The following SH3GL2 variants were observed in gnomAD, a reference collection of about 807,000 sequenced individuals.
SH3GL2 encodes the protein SH3 domain containing GRB2 like 2, endophilin A1.
SH3GL2 carries 24 observed loss-of-function variants against 46.0 expected under a neutral mutation model. The observed-to-expected ratio is 0.52, with a 90% CI of 0.38 to 0.73. The LOEUF (loss-of-function observed/expected upper bound fraction) is 0.73. Ranked by LOEUF, SH3GL2 falls within the 30% of genes least tolerant of loss-of-function variation. The pLI, the probability that SH3GL2 is intolerant of heterozygous loss-of-function variation, is 0.00. For missense variants in SH3GL2, 413 were observed against 424.2 expected (o/e 0.97, Z 0.23); for synonymous variants, 196 against 147.1 (o/e 1.33, Z -2.40).
intron 2 of SH3GL2, among the ~76,000 whole-genome samples, chr9:17,751,587 A>C (rs573378778): frequency 6.6e-6 from 1 of 152,042 alleles, no homozygotes; most frequent in Non-Finnish European, 1.5e-5. Context: ...GTTGGAACAC[A>C]CACTGACCTG....
chr9:17,789,205 C>T (rs970751647), intron 5 of SH3GL2, among the ~76,000 whole-genome samples, 187 bp from the exon 6 acceptor site: 3 of 152,114 alleles, frequency 2.0e-5, no homozygotes, highest in Non-Finnish European at 2.9e-5. Flanking sequence ...TAAAGATATT[C>T]CCCCATATTT....
At chr9:17,683,268 T>C (rs1213106083) in intron 1 of SH3GL2, among the ~76,000 whole-genome samples, 2 of 152,110 alleles carry the variant, frequency 1.3e-5, no homozygotes, top group East Asian at 1.9e-4. Context: ...CACCTTGTGC[T>C]CATGGGGAAC....
chr9:17,633,863 C>T (rs1176297193), intron 1 of SH3GL2, among the ~76,000 whole-genome samples: 1 of 152,124 alleles, frequency 6.6e-6, no homozygotes, highest in Non-Finnish European at 1.5e-5. Context: ...TCTAAGTATC[C>T]AAGTCCTTAA....
chr9:17,632,041 T>C lies in SH3GL2; in HGVS notation c.45+52754T>C, dbSNP rs372615093. On this transcript the variant is annotated intron_variant, in intron 1 of 8. Coordinates refer to ENST00000380607, the MANE Select transcript of SH3GL2 (RefSeq NM_003026.5). Reference sequence around the variant, plus strand: ...GGTTATTTCTGGAAAGATTTTAAGATAGCTTAAGGGCTTTCTTAACCACAT... The same window carrying C: ...GGTTATTTCTGGAAAGATTTTAAGACAGCTTAAGGGCTTTCTTAACCACAT... Among the ~76,000 whole-genome samples the C allele has an allele frequency of 1.2e-4, 19 of 152,170 alleles. No individual in the cohort carries two copies. In the East Asian group the frequency reaches 2.3e-3, roughly 18 times the overall value.
chr9:17,778,120 C>A (rs1486074781), intron 3 of SH3GL2, among the ~76,000 whole-genome samples: 1 of 152,114 alleles, frequency 6.6e-6, no homozygotes, highest in African/African-American at 2.4e-5. Flanking sequence ...TTGAATAGTT[C>A]CATAAGTGCC....
chr9:17,651,976 A>AATT (rs1196831907), intron 1 of SH3GL2, among the ~76,000 whole-genome samples: 7 of 152,176 alleles, frequency 4.6e-5, no homozygotes, highest in African/African-American at 1.7e-4. Context: ...GACTCTTCCA[A>AATT]ATTATTAGCC....
intron 5 of SH3GL2, 36 bp from the exon 6 acceptor site, chr9:17,789,356 C>G (rs760061067): frequency 4.4e-6 from 7 of 1,586,858 alleles, no homozygotes; most frequent in East Asian, 2.2e-5. Flanking sequence ...TTCCATAAGC[C>G]CTTTCAAAGC....
chr9:17,653,361 T>C (rs1015158017), intron 1 of SH3GL2, among the ~76,000 whole-genome samples: 1 of 152,226 alleles, frequency 6.6e-6, no homozygotes, highest in African/African-American at 2.4e-5. Context: ...TACTTTCCTC[T>C]ATTCTTTTGA....
chr9:17,778,669 A>G (rs1025400397), intron 3 of SH3GL2, among the ~76,000 whole-genome samples: 4 of 152,104 alleles, frequency 2.6e-5, no homozygotes, highest in African/African-American at 9.7e-5. Flanking sequence ...CAAGCGTGGA[A>G]GCAGGGAGGC....
chr9:17,582,257 GAA>G (rs1818291456), intron 1 of SH3GL2, among the ~76,000 whole-genome samples: 1 of 130,766 alleles, frequency 7.6e-6, no homozygotes, highest in Non-Finnish European at 1.6e-5. Flanking sequence ...CTTTCAGCAT[GAA>G]AATATATAAT....
intron 3 of SH3GL2, among the ~76,000 whole-genome samples, chr9:17,775,273 C>T (rs1310092244): frequency 6.6e-6 from 1 of 152,034 alleles, no homozygotes; most frequent in African/African-American, 2.4e-5. Context: ...ATCCTTGGCT[C>T]TTGATAGGTG....
intron 1 of SH3GL2, among the ~76,000 whole-genome samples, chr9:17,724,114 A>G (rs72614242): frequency 0.067 from 10,094 of 151,786 alleles, 458 homozygotes; most frequent in Admixed American, 0.13. Context: ...TATTTTGATT[A>G]TGTGTTGGTT....
chr9:17,602,449 A>G (rs943676480), intron 1 of SH3GL2, among the ~76,000 whole-genome samples: 1 of 152,108 alleles, frequency 6.6e-6, no homozygotes, highest in East Asian at 1.9e-4. Flanking sequence ...AGTGTTTTGT[A>G]TCATACCCCA....
chr9:17,782,105 A>G (rs1174695061), intron 3 of SH3GL2, among the ~76,000 whole-genome samples: 1 of 152,118 alleles, frequency 6.6e-6, no homozygotes, highest in African/African-American at 2.4e-5. Context: ...TTAAAAATAG[A>G]TTTTTGGTAA....
At position 17,646,160 on chromosome 9, in the gene SH3GL2, G is replaced by A. The variant is rs548023518; in HGVS notation, c.45+66873G>A. 2.8e-3 allele frequency among the ~76,000 whole-genome samples: 424 copies of A among 151,228 alleles called. 3 individuals are homozygous for A. Among genetic ancestry groups the A allele is most frequent in the African/African-American group, 0.01 (414 of 41,180 alleles). ...CTGATATCCTTTCTTCTGCTTGATC[G>A]ATTTGGCTATTGATGCTTGTGTATG... On this transcript the variant is annotated intron_variant, in intron 1 of 8. Coordinates refer to ENST00000380607, the MANE Select transcript of SH3GL2 (RefSeq NM_003026.5).
intron 1 of SH3GL2, among the ~76,000 whole-genome samples, chr9:17,741,074 G>A (rs528580679): frequency 6.6e-6 from 1 of 152,032 alleles, no homozygotes; most frequent in Non-Finnish European, 1.5e-5. Flanking sequence ...ATTATTTTAT[G>A]GATTGCCCCA....
intron 2 of SH3GL2, among the ~76,000 whole-genome samples, chr9:17,760,452 G>A (rs1469071617): frequency 1.3e-5 from 2 of 151,808 alleles, no homozygotes; most frequent in South Asian, 4.2e-4. Flanking sequence ...GTATATATTG[G>A]TATATACTGA....
intron 1 of SH3GL2, among the ~76,000 whole-genome samples, chr9:17,645,474 C>G (rs1819792656): frequency 6.6e-6 from 1 of 152,096 alleles, no homozygotes; most frequent in South Asian, 2.1e-4. Flanking sequence ...TGTTGACGTT[C>G]TTTACAATTT....
chr9:17,614,295 G>GA (rs3084628), intron 1 of SH3GL2, among the ~76,000 whole-genome samples: 2,569 of 70,252 alleles, frequency 0.037, 301 homozygotes, highest in African/African-American at 0.1. Context: ...CATGGTTTCT[G>GA]AAAAAAAAAA....
Sources: allele counts gnomAD v4.1 joint callset (sites outside exome capture counted in the v4.1 genomes callset), GRCh38; gene constraint gnomAD v4.1.1; transcripts MANE v1.5; gene names NCBI Gene and HGNC (gene_info 2026-07-23, HGNC 2026-07-21).